SPOCK3: variants seen among roughly 807,000 people sequenced by gnomAD.
The protein encoded by SPOCK3 is testican-3.
A neutral mutation model predicts 56.6 loss-of-function variants in SPOCK3; 30 were observed. The ratio of observed to expected loss-of-function variants is 0.53; its 90% CI spans 0.40 to 0.72. The LOEUF (loss-of-function observed/expected upper bound fraction) is 0.72. Among genes scored for constraint, SPOCK3 ranks in the 30% least tolerant of loss-of-function variants. SPOCK3 has a pLI of 0.00. For synonymous variants in SPOCK3, 196 were observed against 183.3 expected, an observed-to-expected ratio of 1.07 and a Z score of -0.56; for missense variants, 527 against 530.0, an observed-to-expected ratio of 0.99 and a Z score of 0.06.
At chr4:167,010,292 G>T (rs938509831) in intron 3 of SPOCK3, among the ~76,000 whole-genome samples, 1 of 151,966 alleles carries the variant, frequency 6.6e-6, no homozygotes, top group South Asian at 2.1e-4. Flanking sequence ...AGGCTGAGGT[G>T]GGCAGATCAC....
At chr4:166,754,108 A>C in intron 8 of SPOCK3, 1 of 973,868 alleles carries the variant, frequency 1.0e-6, no homozygotes, top group Non-Finnish European at 1.2e-6. Context: ...ATTTAATAAG[A>C]TCACAAAATA....
intron 2 of SPOCK3, among the ~76,000 whole-genome samples, chr4:167,097,731 A>G (rs757754185): frequency 1.4e-4 from 22 of 151,944 alleles, no homozygotes; most frequent in Non-Finnish European, 2.9e-4. Context: ...CATTTCACCA[A>G]AAAGACATGC....
chr4:166,841,905 GT>G (rs1451432512), intron 6 of SPOCK3, among the ~76,000 whole-genome samples: 1 of 152,212 alleles, frequency 6.6e-6, no homozygotes, highest in Non-Finnish European at 1.5e-5. Flanking sequence ...GAGTGTTACA[GT>G]TTTTAAAGAT....
chr4:167,216,980 T>A (rs977312784), intron 2 of SPOCK3, among the ~76,000 whole-genome samples: 4 of 152,008 alleles, frequency 2.6e-5, no homozygotes, highest in African/African-American at 4.8e-5. Flanking sequence ...TAAATATAAA[T>A]AAGATCAGAG....
At chr4:166,917,971 T>C (rs1222394586) in intron 4 of SPOCK3, among the ~76,000 whole-genome samples, 1 of 152,184 alleles carries the variant, frequency 6.6e-6, no homozygotes, top group African/African-American at 2.4e-5. Flanking sequence ...CAACTGATGG[T>C]GACTTAATAT....
At chr4:167,134,473 CTAT>C (rs1468627737) in intron 2 of SPOCK3, among the ~76,000 whole-genome samples, 2 of 151,944 alleles carry the variant, frequency 1.3e-5, no homozygotes, top group African/African-American at 4.8e-5. Flanking sequence ...TTTTTATTTG[CTAT>C]TATTTTTCAA....
chr4:167,134,022 CTTT>C lies in SPOCK3; in HGVS notation c.190-71488_190-71486del, dbSNP rs34410893. On this transcript the variant is annotated intron_variant, in intron 2 of 10. Coordinates refer to ENST00000357545, the MANE Select transcript of SPOCK3 (RefSeq NM_001040159.2). ...ACTTTCATAACTTTTACACCTTTTT[CTTT>C]TTTTTTTTTTTTTTTTTTTTTGAGA... Among the ~76,000 whole-genome samples the C allele has an allele frequency of 5.5e-3, 442 of 80,508 alleles. 3 individuals carry two copies. Among genetic ancestry groups the C allele is most frequent in the African/African-American group, 0.02 (418 of 20,592 alleles). 52.8% of individuals were successfully genotyped at this position (80,508 alleles called of 152,430 possible).
At chr4:166,998,515 T>G (rs527649383) in intron 4 of SPOCK3, among the ~76,000 whole-genome samples, 2 of 152,220 alleles carry the variant, frequency 1.3e-5, no homozygotes, top group South Asian at 4.1e-4. Context: ...CAGTACAGAT[T>G]AGAATTGAAG....
rs1010399497 is a variant in SPOCK3 at position 166,762,026 on chromosome 4, A to T, written c.710-7297T>A. ...ATATCTGTGAATCACCATATTAGAA[A>T]ATGGTAATACAAAGGTAAAAGAGGT... On this transcript the variant is annotated intron_variant, in intron 7 of 10. Transcript: ENST00000357545. Among the ~76,000 whole-genome samples, 54 of 152,184 alleles carry T rather than the reference A, an allele frequency of 3.5e-4. 1 individual carries two copies. The highest frequency in any genetic ancestry group is 3.4e-3 in the Middle Eastern group (1 of 294).
At chr4:166,919,880 G>A (rs1738299091) in intron 4 of SPOCK3, among the ~76,000 whole-genome samples, 1 of 152,054 alleles carries the variant, frequency 6.6e-6, no homozygotes, top group Admixed American at 6.5e-5. Flanking sequence ...TTTTAAATCA[G>A]TATAATATTA....
intron 4 of SPOCK3, among the ~76,000 whole-genome samples, chr4:166,936,460 A>T (rs1316813900): frequency 6.6e-6 from 1 of 152,112 alleles, no homozygotes; most frequent in Non-Finnish European, 1.5e-5. Context: ...AAATTTTTCT[A>T]GAAGTTTGTA....
chr4:166,991,451 C>T (rs1343376435), intron 4 of SPOCK3, among the ~76,000 whole-genome samples: 1 of 151,922 alleles, frequency 6.6e-6, no homozygotes, highest in Non-Finnish European at 1.5e-5. Flanking sequence ...CTCACTTTAA[C>T]ATTTGCCTCC....
chr4:166,807,148 T>C (rs1027208630), intron 6 of SPOCK3, among the ~76,000 whole-genome samples: 2 of 152,034 alleles, frequency 1.3e-5, no homozygotes, highest in African/African-American at 4.8e-5. Flanking sequence ...AGCCAAGCAC[T>C]GTATGCTAGA....
At chr4:167,099,477 C>A (rs552797358) in intron 2 of SPOCK3, among the ~76,000 whole-genome samples, 1 of 151,652 alleles carries the variant, frequency 6.6e-6, no homozygotes. Context: ...ATCAGAGGTA[C>A]GTGAAATTTA....
chr4:167,110,742 G>C (rs984910185), intron 2 of SPOCK3, among the ~76,000 whole-genome samples: 1 of 151,756 alleles, frequency 6.6e-6, no homozygotes, highest in Admixed American at 6.6e-5. Flanking sequence ...CCAAAATAGA[G>C]CCCCAAATTC....
chr4:166,863,393 A>C (rs1334963293), intron 6 of SPOCK3, among the ~76,000 whole-genome samples: 1 of 152,158 alleles, frequency 6.6e-6, no homozygotes, highest in Non-Finnish European at 1.5e-5. Flanking sequence ...GTGCAAAATA[A>C]CCAGATGGCA....
intron 3 of SPOCK3, among the ~76,000 whole-genome samples, chr4:167,054,793 G>A (rs1754604253): frequency 6.6e-6 from 1 of 152,164 alleles, no homozygotes; most frequent in African/African-American, 2.4e-5. Flanking sequence ...CCAAAAGGTA[G>A]ATCAGGTGTA....
At chr4:166,812,685 T>G (rs193086035) in intron 6 of SPOCK3, among the ~76,000 whole-genome samples, 1 of 152,104 alleles carries the variant, frequency 6.6e-6, no homozygotes, top group African/African-American at 2.4e-5. Flanking sequence ...GTCAACAGTA[T>G]GATATTGGAA....
At chr4:166,978,365 A>T (rs1003517257) in intron 4 of SPOCK3, among the ~76,000 whole-genome samples, 1 of 152,168 alleles carries the variant, frequency 6.6e-6, no homozygotes, top group African/African-American at 2.4e-5. Flanking sequence ...GCAAGGCCTT[A>T]TGAGTCAAAT....
Sources: gnomAD v4.1 joint callset for allele counts (sites outside exome capture counted in the v4.1 genomes callset) on GRCh38, gnomAD v4.1.1 for gene constraint, MANE v1.5 for transcripts, NCBI Gene and HGNC (gene_info 2026-07-23, HGNC 2026-07-21) for gene names.